The following PTPRE variants were observed in gnomAD, a reference collection of about 807,000 sequenced individuals.
PTPRE encodes protein tyrosine phosphatase receptor type E, also known as receptor-type tyrosine-protein phosphatase epsilon.
PTPRE carries 51 observed loss-of-function variants against 102.0 expected under a neutral mutation model. The observed-to-expected ratio is 0.50, with a 90% CI of 0.40 to 0.63. The LOEUF (loss-of-function observed/expected upper bound fraction) is 0.63. PTPRE is among the 30% of genes least tolerant of loss of function. The pLI, the probability that PTPRE is intolerant of heterozygous loss-of-function variation, is 0.00. For synonymous variants in PTPRE, 345 were observed against 348.2 expected (o/e 0.99, Z 0.10); for missense variants, 752 against 915.1 (o/e 0.82, Z 2.30).
intron 1 of PTPRE, among the ~76,000 whole-genome samples, chr10:127,981,092 G>A (rs1851573774): frequency 6.6e-6 from 1 of 152,118 alleles, no homozygotes; most frequent in Non-Finnish European, 1.5e-5. Context: ...ACAAAATGTG[G>A]TATATCCATG....
chr10:128,048,860 G>T (rs1394503735), intron 5 of PTPRE, among the ~76,000 whole-genome samples: 1 of 152,122 alleles, frequency 6.6e-6, no homozygotes, highest in Non-Finnish European at 1.5e-5. Context: ...GTGACAGCTG[G>T]GTTATCATGT....
intron 1 of PTPRE, among the ~76,000 whole-genome samples, chr10:127,970,245 G>A (rs533878106): frequency 3.3e-5 from 5 of 152,282 alleles, no homozygotes; most frequent in African/African-American, 1.2e-4. Context: ...AGACTCCAGG[G>A]CCTCCAGGAA....
At chr10:128,048,045 C>T (rs1308478529) in intron 5 of PTPRE, among the ~76,000 whole-genome samples, 5 of 152,140 alleles carry the variant, frequency 3.3e-5, no homozygotes, top group African/African-American at 4.8e-5. Flanking sequence ...GTGACATGGA[C>T]GTTTGAGACA....
chr10:127,960,164 C>T (rs184530823), intron 1 of PTPRE, among the ~76,000 whole-genome samples: 8 of 152,258 alleles, frequency 5.3e-5, no homozygotes, highest in East Asian at 3.9e-4. Context: ...CCCAGGGACT[C>T]GAGATCCTGT....
chr10:128,070,932 G>T lies in PTPRE; in HGVS notation c.1387+31G>T, dbSNP rs964640352. The T allele has an allele frequency of 1.9e-6, 3 of 1,588,630 alleles. No individual in the cohort carries two copies. The Admixed American group carries it at 5.0e-5, about 27-fold the overall frequency. On this transcript the variant is annotated intron_variant, in intron 15 of 20. Transcript: ENST00000254667. This position sits in a 1 kb window ranked among gnomAD's most constrained non-coding sequence, Gnocchi z 4.8. ...GCACCCGTGGCGTGGCTTGGGCAGG[G>T]CTGGGGCGGGGCTGGTGCCGGAGGC...
At chr10:128,059,778 G>T (rs998065046) in intron 7 of PTPRE, among the ~76,000 whole-genome samples, 2 of 152,102 alleles carry the variant, frequency 1.3e-5, no homozygotes, top group African/African-American at 4.8e-5. Context: ...CAAACAAAAC[G>T]TGCAAAACCC....
intron 2 of PTPRE, among the ~76,000 whole-genome samples, 191 bp downstream of exon 2, chr10:127,982,487 TGC>T (rs1851714105): frequency 1.5e-5 from 2 of 134,912 alleles, no homozygotes; most frequent in African/African-American, 6.4e-5. Context: ...TTACATCATT[TGC>T]GTGTGTGTGT....
intron 1 of PTPRE, among the ~76,000 whole-genome samples, chr10:127,948,908 A>C (rs907507393): frequency 6.6e-6 from 1 of 152,238 alleles, no homozygotes; most frequent in Non-Finnish European, 1.5e-5. Flanking sequence ...CTCAGTGTGC[A>C]TGGGCAACAT....
chr10:128,040,278 C>G (rs1027419182), intron 2 of PTPRE, among the ~76,000 whole-genome samples: 17 of 152,114 alleles, frequency 1.1e-4, no homozygotes, highest in Non-Finnish European at 5.9e-5. Context: ...GTGCTGGAGT[C>G]AGACTGAGTG....
chr10:128,001,685 T>A (rs1225531876), intron 2 of PTPRE, among the ~76,000 whole-genome samples: 2 of 152,180 alleles, frequency 1.3e-5, no homozygotes, highest in East Asian at 3.9e-4. Context: ...GATTATGCCC[T>A]CGCTTTTCTG....
At chr10:128,010,545 C>CCTTTTCTTTTTTCTTTT (rs1554919715) in intron 2 of PTPRE, among the ~76,000 whole-genome samples, 2 of 128,278 alleles carry the variant, frequency 1.6e-5, no homozygotes, top group African/African-American at 6.0e-5. Context: ...AAACCCTGTT[C>CCTTTTCTTTTTTCTTTT]CTTTTCTTTT....
chr10:128,069,830 G>A lies in PTPRE; in HGVS notation c.1143+3G>A, dbSNP rs1850610066. The A allele has an allele frequency of 1.2e-6, 2 of 1,614,134 alleles. No homozygotes were observed. The highest frequency in any genetic ancestry group is 1.7e-6 in the Non-Finnish European group (2 of 1,180,056). On this transcript the variant is annotated splice_donor_region_variant and intron_variant, in intron 13 of 20. Coordinates refer to ENST00000254667, the MANE Select transcript of PTPRE (RefSeq NM_006504.6). ...GCCCTCAGATGGTTCAAACGGATGT[G>A]AGTCATGCCTTCCTCTTGCCCTGAT...
chr10:127,947,531 C>T (rs2135326038), intron 1 of PTPRE, among the ~76,000 whole-genome samples: 1 of 152,304 alleles, frequency 6.6e-6, no homozygotes, highest in Non-Finnish European at 1.5e-5. Flanking sequence ...TCCTCTGATG[C>T]CTCTGACATT....
chr10:128,057,278 C>T (rs1166959883), intron 7 of PTPRE, among the ~76,000 whole-genome samples: 2 of 151,940 alleles, frequency 1.3e-5, no homozygotes, highest in Non-Finnish European at 1.5e-5. Flanking sequence ...GGGGATCCTT[C>T]ACCTGGGCCC....
intron 2 of PTPRE, among the ~76,000 whole-genome samples, chr10:128,020,022 CTGTGTGTG>C (rs34036600): frequency 2.7e-5 from 4 of 150,696 alleles, no homozygotes; most frequent in African/African-American, 7.3e-5. Flanking sequence ...AGGGTGGAGG[CTGTGTGTG>C]TGTGTGTGTG....
At chr10:128,060,819 G>T in intron 7 of PTPRE, 120 bp from the exon 8 acceptor site, 1 of 898,764 alleles carries the variant, frequency 1.1e-6, no homozygotes, top group South Asian at 1.4e-5. Context: ...CTGTGAAGCT[G>T]CTTTTGCCCT....
At chr10:128,004,907 A>AT (rs1462016879) in intron 2 of PTPRE, among the ~76,000 whole-genome samples, 1 of 151,944 alleles carries the variant, frequency 6.6e-6, no homozygotes, top group Non-Finnish European at 1.5e-5. Context: ...GCTTCCTTTT[A>AT]TTTTTTTCTA....
chr10:128,059,692 G>A (rs1173717297), intron 7 of PTPRE, among the ~76,000 whole-genome samples: 1 of 152,318 alleles, frequency 6.6e-6, no homozygotes, highest in Non-Finnish European at 1.5e-5. Context: ...TCCTGGGAAA[G>A]GTTACAGGAG....
In PTPRE at chr10:128,049,510, T is replaced by A; in HGVS notation, c.284-20T>A. Reference sequence around the variant, plus strand: ...CAGGAATGTGGCTAAATGGCCCCCATGTTTCTTTTGATCCCACAGAGCAGC... The same window carrying A: ...CAGGAATGTGGCTAAATGGCCCCCAAGTTTCTTTTGATCCCACAGAGCAGC... On this transcript the variant is annotated intron_variant, in intron 5 of 20. Transcript: ENST00000254667. 6.2e-7 allele frequency: 1 copy of A among 1,612,822 alleles called. No individual in the cohort carries two copies. Among genetic ancestry groups the A allele is most frequent in the African/African-American group, 1.3e-5 (1 of 75,016 alleles).
Sources: gnomAD v4.1 joint callset for allele counts (sites outside exome capture counted in the v4.1 genomes callset) on GRCh38, gnomAD v4.1.1 for gene constraint, Gnocchi (gnomAD v3.1) non-coding constraint, MANE v1.5 for transcripts, NCBI Gene and HGNC (gene_info 2026-07-23, HGNC 2026-07-21) for gene names.